Variants in COL26A1 observed in about 807,000 individuals in gnomAD.
COL26A1 encodes the protein collagen alpha-1(XXVI) chain.
COL26A1 carries 41 observed loss-of-function variants against 59.3 expected under a neutral mutation model. That is an observed-to-expected ratio of 0.69 (90% confidence interval 0.54 to 0.90). COL26A1 has a LOEUF of 0.90. Ranked by LOEUF, COL26A1 falls within the 40% of genes least tolerant of loss-of-function variation. The pLI is 0.00. For synonymous variants in COL26A1, 266 were observed against 256.0 expected, an observed-to-expected ratio of 1.04 and a Z score of -0.37; for missense variants, 612 against 602.3, an observed-to-expected ratio of 1.02 and a Z score of -0.17.
chr7:101,394,753 G>A (rs568886196), intron 1 of COL26A1, among the ~76,000 whole-genome samples: 1 of 151,314 alleles, frequency 6.6e-6, no homozygotes, highest in African/African-American at 2.4e-5. Flanking sequence ...TCTGTAGAAT[G>A]GTCTCAGTAT....
chr7:101,363,050 C>A lies in COL26A1; in HGVS notation c.18C>A (p.Leu6=), dbSNP rs759738933. 4 of 1,581,598 alleles carry A rather than the reference C, an allele frequency of 2.5e-6. No homozygotes were observed. In the African/African-American group the frequency reaches 5.5e-5, roughly 22 times the overall value. MKLAL[L]LPWACCCLCG... The stretch of plus-strand genomic sequence containing the variant: ...TGCGCACGATGAAGCTGGCCCTGCT[C>A]CTGCCCTGGGCGTGTTGCTGCCTCT... Residue 6 remains leucine, a synonymous_variant, in exon 1 of 13, where the codon CTC becomes CTA. Transcript: ENST00000313669.
chr7:101,500,985 C>T (rs1794692007), intron 3 of COL26A1, among the ~76,000 whole-genome samples: 1 of 151,524 alleles, frequency 6.6e-6, no homozygotes, highest in Non-Finnish European at 1.5e-5. Context: ...AGTTCAAGAC[C>T]AGCCTGGCCA....
chr7:101,474,413 A>G (rs1433214657), intron 3 of COL26A1, among the ~76,000 whole-genome samples: 1 of 140,946 alleles, frequency 7.1e-6, no homozygotes, highest in Non-Finnish European at 1.5e-5. Context: ...CCTGGGCAAT[A>G]TAGCAAGACC....
chr7:101,363,223 G>T (rs1183718358), intron 1 of COL26A1, 33 bp downstream of exon 1: 4 of 1,293,216 alleles, frequency 3.1e-6, no homozygotes, highest in East Asian at 3.2e-5. Context: ...GCCGGGGGGT[G>T]GGGGGAGGGA....
chr7:101,387,553 T>C (rs1290667314), intron 1 of COL26A1, among the ~76,000 whole-genome samples: 75 of 149,382 alleles, frequency 5.0e-4, no homozygotes, highest in African/African-American at 1.7e-3. Context: ...TTTCTTCTTT[T>C]TATTTTTATT....
At chr7:101,363,627 G>C (rs550964115) in intron 1 of COL26A1, among the ~76,000 whole-genome samples, 8 of 133,184 alleles carry the variant, frequency 6.0e-5, no homozygotes, top group Non-Finnish European at 1.2e-4. Flanking sequence ...CGGGGCTGCG[G>C]GGTTGCGGGG....
intron 3 of COL26A1, among the ~76,000 whole-genome samples, chr7:101,495,554 A>G (rs1349753091): frequency 6.6e-6 from 1 of 151,612 alleles, no homozygotes; most frequent in African/African-American, 2.4e-5. Context: ...GACTACAGGC[A>G]CCCACCACCA....
chr7:101,387,771 TATA>T (rs1319677318), intron 1 of COL26A1, among the ~76,000 whole-genome samples: 118 of 52,002 alleles, frequency 2.3e-3, no homozygotes, highest in Middle Eastern at 0.025. Flanking sequence ...TATATATATA[TATA>T]TATATTTTTT....
intron 3 of COL26A1, among the ~76,000 whole-genome samples, chr7:101,495,648 T>G (rs1276073680): frequency 6.6e-6 from 1 of 151,324 alleles, no homozygotes; most frequent in Non-Finnish European, 1.5e-5. Context: ...CTCAATCTCC[T>G]GACCTTGTGA....
intron 2 of COL26A1, among the ~76,000 whole-genome samples, chr7:101,447,207 G>A (rs933924382): frequency 6.6e-6 from 1 of 152,176 alleles, no homozygotes; most frequent in African/African-American, 2.4e-5. Context: ...TTATCTCCAG[G>A]AGCAATTTGG....
In COL26A1 at chr7:101,469,964, G is replaced by A. The variant is rs537950392; in HGVS notation, c.385+22177G>A. Among the ~76,000 whole-genome samples the A allele has an allele frequency of 5.9e-5, 9 of 152,202 alleles. No homozygotes were observed. In the South Asian group the frequency reaches 6.2e-4, roughly 11 times the overall value. ...TGTCTGGGGTAAATACTCAAGATTCGTTGTCTCACGACCATGGGCAACTAG... is the reference window on the plus strand; with the variant it reads ...TGTCTGGGGTAAATACTCAAGATTCATTGTCTCACGACCATGGGCAACTAG... On this transcript the variant is annotated intron_variant, in intron 3 of 12. Coordinates refer to ENST00000313669, the MANE Select transcript of COL26A1 (RefSeq NM_001278563.3).
chr7:101,389,758 G>A (rs1483675453), intron 1 of COL26A1, among the ~76,000 whole-genome samples: 1 of 152,024 alleles, frequency 6.6e-6, no homozygotes, highest in African/African-American at 2.4e-5. Flanking sequence ...TCTCCATGTT[G>A]GGCAGGCTGG....
intron 3 of COL26A1, among the ~76,000 whole-genome samples, chr7:101,495,359 G>A (rs1249219623): frequency 6.6e-6 from 1 of 152,010 alleles, no homozygotes; most frequent in Non-Finnish European, 1.5e-5. Flanking sequence ...CCTCTGGCGG[G>A]GGGATTTGGT....
At chr7:101,451,217 AAT>A (rs1793330197) in intron 3 of COL26A1, among the ~76,000 whole-genome samples, 1 of 144,440 alleles carries the variant, frequency 6.9e-6, no homozygotes. Context: ...ATATATATAA[AAT>A]ATGTTACTGT....
intron 1 of COL26A1, among the ~76,000 whole-genome samples, chr7:101,417,527 G>T (rs1792400505): frequency 6.8e-6 from 1 of 147,626 alleles, no homozygotes; most frequent in Non-Finnish European, 1.5e-5. Context: ...TAGAGACAGG[G>T]TCTCGCTCTG....
At chr7:101,475,754 TTTTC>T (rs1479365231) in intron 3 of COL26A1, among the ~76,000 whole-genome samples, 7 of 142,602 alleles carry the variant, frequency 4.9e-5, no homozygotes, top group Middle Eastern at 3.7e-3. Flanking sequence ...CTTCCTTCCT[TTTTC>T]TTTCTTTCTC....
In COL26A1 at chr7:101,485,915, G is replaced by A. The variant is rs201721435; in HGVS notation, c.385+38128G>A. On this transcript the variant is annotated intron_variant, in intron 3 of 12. Coordinates refer to ENST00000313669, the MANE Select transcript of COL26A1 (RefSeq NM_001278563.3). The stretch of plus-strand genomic sequence containing the variant: ...AGCCCGGGCACGATGGCTCACATCT[G>A]TATTCTCAGCACTTTGGGAGGCCGA... Among the ~76,000 whole-genome samples, 67 of 152,252 alleles carry A rather than the reference G, an allele frequency of 4.4e-4. 1 individual carries two copies. In the East Asian group the frequency reaches 0.013, roughly 29 times the overall value.
chr7:101,450,951 AATT>A (rs1584418360), intron 3 of COL26A1, among the ~76,000 whole-genome samples: 1 of 144,542 alleles, frequency 6.9e-6, no homozygotes, highest in East Asian at 2.1e-4. Flanking sequence ...TATAGATATT[AATT>A]ATTGATAATA....
intron 1 of COL26A1, among the ~76,000 whole-genome samples, chr7:101,414,565 G>A (rs561524183): frequency 6.6e-6 from 1 of 152,160 alleles, no homozygotes; most frequent in African/African-American, 2.4e-5. Flanking sequence ...AGCCTCCCGA[G>A]CAGCTGGGAT....
Sources: allele counts gnomAD v4.1 joint callset (sites outside exome capture counted in the v4.1 genomes callset), GRCh38; gene constraint gnomAD v4.1.1; transcripts MANE v1.5; gene names NCBI Gene and HGNC (gene_info 2026-07-23, HGNC 2026-07-21).